The following GLDC variants were observed in gnomAD, a reference collection of about 807,000 sequenced individuals.
GLDC encodes the protein glycine decarboxylase.
A neutral mutation model predicts 121.3 loss-of-function variants in GLDC; 104 were observed. The ratio of observed to expected loss-of-function variants is 0.86; its 90% CI spans 0.73 to 1.01. The LOEUF is 1.01. Among genes scored for constraint, GLDC ranks in the 50% least tolerant of loss-of-function variants. GLDC has a pLI of 0.00. For missense variants in GLDC, 1,429 were observed against 1,306.6 expected, an observed-to-expected ratio of 1.09 and a Z score of -1.44; for synonymous variants, 546 against 480.6, an observed-to-expected ratio of 1.14 and a Z score of -1.78.
Position 6,555,458 on chromosome 9 carries a change from G to C in GLDC, c.2203-677C>G, listed in dbSNP as rs1172737963. 2.0e-5 allele frequency among the ~76,000 whole-genome samples: 3 copies of C among 151,398 alleles called. No individual in the cohort carries two copies. The East Asian group carries it at 5.8e-4, about 29-fold the overall frequency. ...GTGAAATGAATGAGAACCAAAGAAAGGCTCTAAAATGGTAGGAAAAAAAAA... is the reference window on the plus strand; with the variant it reads ...GTGAAATGAATGAGAACCAAAGAAACGCTCTAAAATGGTAGGAAAAAAAAA... On this transcript the variant is annotated intron_variant, in intron 18 of 24. Transcript: ENST00000321612.
chr9:6,535,487 G>A (rs1213116512), intron 23 of GLDC, among the ~76,000 whole-genome samples: 1 of 151,856 alleles, frequency 6.6e-6, no homozygotes, highest in Admixed American at 6.6e-5. Context: ...TATCAGACTT[G>A]TTCTCTGGCT....
chr9:6,581,178 C>T (rs1377832773), intron 15 of GLDC, among the ~76,000 whole-genome samples: 1 of 152,192 alleles, frequency 6.6e-6, no homozygotes, highest in African/African-American at 2.4e-5. Context: ...GCTTCTCAGT[C>T]CTTCCCGGGC....
intron 21 of GLDC, 42 bp downstream of exon 21, chr9:6,550,761 A>G (rs770637114): frequency 7.3e-7 from 1 of 1,368,142 alleles, no homozygotes; most frequent in African/African-American, 1.4e-5. Context: ...AGTTTGGCCA[A>G]GAAAAAAACC....
intron 15 of GLDC, among the ~76,000 whole-genome samples, chr9:6,582,429 G>A (rs1224214311): frequency 6.6e-6 from 1 of 152,136 alleles, no homozygotes; most frequent in Non-Finnish European, 1.5e-5. Context: ...GCTGAGGCAT[G>A]AGAATTACTT....
intron 2 of GLDC, among the ~76,000 whole-genome samples, chr9:6,627,221 A>T (rs186135609): frequency 0.013 from 1,923 of 147,016 alleles, 73 homozygotes; most frequent in Admixed American, 0.065. Flanking sequence ...GCGTGAACCC[A>T]GGAGGCAGAG....
chr9:6,594,273 T>C (rs1290617336), intron 9 of GLDC, among the ~76,000 whole-genome samples: 1 of 152,214 alleles, frequency 6.6e-6, no homozygotes, highest in Non-Finnish European at 1.5e-5. Flanking sequence ...TAAAATTACA[T>C]TTAATGTCTT....
chr9:6,645,358 C>T lies in GLDC; in HGVS notation c.142G>A (p.Gly48Arg). ...AGGCGCTCCAGGAGGCGCGAGGCCC[C>T]AGCCGCGGCGCTGTCCCCGCCGCCA... ...SSGGGDSAAA[G>R]ASRLLERLLP... Residue 48 changes from glycine to arginine, a missense_variant, in exon 1 of 25, where the codon GGG becomes AGG. Physicochemically the swap from Gly to Arg is moderately radical, Grantham distance 125 (BLOSUM62 -2). Transcript: ENST00000321612. The T allele has an allele frequency of 6.5e-7, 1 of 1,544,638 alleles. No homozygotes were observed.
intron 2 of GLDC, among the ~76,000 whole-genome samples, chr9:6,634,258 T>G (rs1563872239): frequency 6.6e-6 from 1 of 151,768 alleles, no homozygotes; most frequent in Non-Finnish European, 1.5e-5. Flanking sequence ...CCCAAAACCA[T>G]GAGTCTCATG....
intron 2 of GLDC, among the ~76,000 whole-genome samples, chr9:6,627,127 C>T (rs2129972597): frequency 6.6e-6 from 1 of 152,006 alleles, no homozygotes; most frequent in South Asian, 2.1e-4. Context: ...AACCCCATCT[C>T]TACTAAAAAT....
chr9:6,596,748 T>A (rs897760002), intron 8 of GLDC, among the ~76,000 whole-genome samples: 55 of 152,294 alleles, frequency 3.6e-4, no homozygotes, highest in African/African-American at 1.1e-3. Context: ...TAACAAGCAT[T>A]GGTGAAAATA....
At position 6,532,905 on chromosome 9, in the gene GLDC, A is replaced by G. The variant is rs1817030788; in HGVS notation, c.*112T>C. The G allele has an allele frequency of 1.3e-6, 1 of 799,874 alleles. No individual in the cohort carries two copies. The highest frequency in any genetic ancestry group is 2.3e-6 in the Non-Finnish European group (1 of 442,944). 49.5% of individuals were successfully genotyped at this position (799,874 alleles called of 1,614,324 possible). On this transcript the variant is annotated 3_prime_UTR_variant, in exon 25 of 25. Transcript: ENST00000321612. ...CTTGACAGAGATTACAGAGATATAC[A>G]CAGTATATAAAACTCCTACTTGAGG...
At chr9:6,555,035 T>G in intron 18 of GLDC, 1 of 552,162 alleles carries the variant, frequency 1.8e-6, no homozygotes, top group South Asian at 2.0e-5. Flanking sequence ...TTTAAAAATA[T>G]GGATTTGAAT....
intron 3 of GLDC, among the ~76,000 whole-genome samples, chr9:6,615,021 A>C (rs1206965728): frequency 2.6e-5 from 4 of 152,238 alleles, no homozygotes; most frequent in Non-Finnish European, 2.9e-5. Context: ...GTCACTGACC[A>C]AAATATCACT....
chr9:6,591,254 C>T (rs1818369257), intron 11 of GLDC, among the ~76,000 whole-genome samples: 2 of 152,232 alleles, frequency 1.3e-5, no homozygotes. Context: ...CACTCGGACC[C>T]ATCTTCCTTT....
intron 3 of GLDC, 145 bp from the exon 4 acceptor site, chr9:6,610,501 C>A: frequency 4.0e-6 from 3 of 758,240 alleles, no homozygotes; most frequent in South Asian, 1.5e-5. Context: ...TTCTTTTTGG[C>A]CTTTGTAAAG....
chr9:6,613,198 T>C (rs1056935334), intron 3 of GLDC, among the ~76,000 whole-genome samples: 4 of 152,242 alleles, frequency 2.6e-5, no homozygotes, highest in African/African-American at 4.8e-5. Context: ...ATACATGTTC[T>C]TTGTAACAAG....
At chr9:6,565,976 T>C in intron 15 of GLDC, 1 of 191,964 alleles carries the variant, frequency 5.2e-6, no homozygotes, top group Middle Eastern at 2.3e-3. Context: ...GTGCAATGGC[T>C]CATGCCTGTA....
At chr9:6,609,886 T>C (rs902578444) in intron 4 of GLDC, among the ~76,000 whole-genome samples, 9 of 152,036 alleles carry the variant, frequency 5.9e-5, no homozygotes, top group Non-Finnish European at 1.2e-4. Flanking sequence ...CGGCTCCCTG[T>C]CCTTCCTCCC....
At chr9:6,608,365 T>A (rs1459948812) in intron 4 of GLDC, among the ~76,000 whole-genome samples, 1 of 146,918 alleles carries the variant, frequency 6.8e-6, no homozygotes, top group African/African-American at 2.5e-5. Flanking sequence ...GAGCTTGCAG[T>A]GAGCCGAGAT....
Sources: allele counts gnomAD v4.1 joint callset (sites outside exome capture counted in the v4.1 genomes callset), GRCh38; gene constraint gnomAD v4.1.1; transcripts MANE v1.5; gene names NCBI Gene and HGNC (gene_info 2026-07-23, HGNC 2026-07-21).